The following HEXB variants were observed in gnomAD, a reference collection of about 807,000 sequenced individuals.
HEXB encodes the protein beta-hexosaminidase subunit beta.
HEXB carries 51 observed loss-of-function variants against 71.2 expected under a neutral mutation model. The observed-to-expected ratio is 0.72, with a 90% CI of 0.57 to 0.90. HEXB has a LOEUF of 0.90. HEXB is among the 40% of genes least tolerant of loss of function. HEXB has a pLI of 0.00. For synonymous variants in HEXB, 266 were observed against 249.3 expected (o/e 1.07, Z -0.63); for missense variants, 617 against 677.0 (o/e 0.91, Z 0.98).
chr5:74,665,154 A>T (rs551866753), intron 1 of HEXB, among the ~76,000 whole-genome samples: 1 of 152,326 alleles, frequency 6.6e-6, no homozygotes, highest in African/African-American at 2.4e-5. Context: ...AAATTAATCC[A>T]TCCAGACTCA....
At chr5:74,674,150 T>G (rs1025642481) in intron 1 of HEXB, among the ~76,000 whole-genome samples, 6 of 152,254 alleles carry the variant, frequency 3.9e-5, no homozygotes, top group Non-Finnish European at 8.8e-5. Context: ...TATAGCAATT[T>G]AATTGGCTAT....
intron 11 of HEXB, 82 bp downstream of exon 11, chr5:74,719,053 A>G: frequency 7.1e-7 from 1 of 1,402,712 alleles, no homozygotes; most frequent in Non-Finnish European, 1.0e-6. Context: ...CCTTTGTTTT[A>G]TGAGTTTTCT....
intron 1 of HEXB, among the ~76,000 whole-genome samples, chr5:74,644,370 G>A (rs375422907): frequency 8.2e-4 from 125 of 152,316 alleles, no homozygotes; most frequent in African/African-American, 2.8e-3. Flanking sequence ...TGAGGGAGCT[G>A]CCAGCACACA....
upstream of HEXB, chr5:74,685,180 C>T: frequency 5.8e-6 from 8 of 1,386,728 alleles, no homozygotes; most frequent in Non-Finnish European, 7.5e-6. Flanking sequence ...CGCGGCCGCG[C>T]TTCCTCTGAT....
chr5:74,683,502 C>T (rs138060688), upstream of HEXB, among the ~76,000 whole-genome samples: 230 of 152,240 alleles, frequency 1.5e-3, 2 homozygotes, highest in African/African-American at 5.3e-3. Context: ...TGAGGTTTCA[C>T]CATGTTGGCC....
upstream of HEXB, among the ~76,000 whole-genome samples, chr5:74,680,604 A>C (rs1156990345): frequency 6.6e-6 from 1 of 152,156 alleles, no homozygotes; most frequent in Admixed American, 6.5e-5. Context: ...AATAGAAATA[A>C]TTTGTGGTCA....
At chr5:74,689,118 T>C (rs1748937693) in intron 1 of HEXB, among the ~76,000 whole-genome samples, 1 of 152,194 alleles carries the variant, frequency 6.6e-6, no homozygotes. Context: ...AATCCCATTC[T>C]AATAGATTCT....
At chr5:74,660,754 C>G (rs950105889) in intron 1 of HEXB, among the ~76,000 whole-genome samples, 2 of 152,064 alleles carry the variant, frequency 1.3e-5, no homozygotes, top group African/African-American at 4.8e-5. Flanking sequence ...TTGATTACCA[C>G]TGGAAAAAAA....
intron 13 of HEXB, 43 bp from the exon 14 acceptor site, chr5:74,721,071 TATCA>T (rs1749838536): frequency 2.2e-6 from 3 of 1,382,012 alleles, no homozygotes; most frequent in Non-Finnish European, 2.1e-6. Context: ...TTATGAATGA[TATCA>T]ATCTAAATCA....
At chr5:74,684,800 C>G (rs1348972016), upstream of HEXB, among the ~76,000 whole-genome samples, 1 of 151,786 alleles carries the variant, frequency 6.6e-6, no homozygotes, top group Admixed American at 6.6e-5. Flanking sequence ...GCCTCAGCCT[C>G]CCGAGTAGCT....
rs531799915 is a variant in HEXB at position 74,709,508 on chromosome 5, G to T, written c.772-3998G>T. ...AAAAAATTAATGAATCCAGAAGCTG[G>T]TTTTTTGAAAGGATCAACAAAATTG... is the stretch of plus-strand genomic sequence containing the variant. On this transcript the variant is annotated intron_variant, in intron 6 of 13. Coordinates refer to ENST00000261416, the MANE Select transcript of HEXB (RefSeq NM_000521.4). 4.6e-5 allele frequency among the ~76,000 whole-genome samples: 7 copies of T among 152,264 alleles called. No individual in the cohort carries two copies. In the East Asian group the frequency reaches 1.3e-3, roughly 29 times the overall value.
rs1425954804 is a variant in HEXB at position 74,687,452 on chromosome 5, T to G, written c.300-1876T>G. On this transcript the variant is annotated intron_variant, in intron 1 of 13. Transcript: ENST00000261416. ...TTTGGCTGTTAGATGCATAGCTGCT[T>G]CTTTAGCTTCTAGAACAGCGTTCAT... Among the ~76,000 whole-genome samples the G allele has an allele frequency of 5.3e-5, 8 of 152,352 alleles. No homozygotes were observed. In the South Asian group the frequency reaches 1.2e-3, roughly 24 times the overall value.
intron 6 of HEXB, among the ~76,000 whole-genome samples, chr5:74,711,308 G>A (rs1454691912): frequency 2.8e-5 from 4 of 145,022 alleles, no homozygotes; most frequent in Middle Eastern, 3.5e-3. Context: ...AGACTTAAAC[G>A]TTAGACCTAA....
At chr5:74,656,526 A>G (rs1748222702) in intron 1 of HEXB, among the ~76,000 whole-genome samples, 1 of 82,906 alleles carries the variant, frequency 1.2e-5, no homozygotes. Flanking sequence ...AAAATAAAAT[A>G]AAATAAAATA....
rs1356217520 is a variant in HEXB, at chr5:74,710,034, C to G, written c.772-3472C>G. Among the ~76,000 whole-genome samples, 16 of 152,118 alleles carry G rather than the reference C, an allele frequency of 1.1e-4. No individual in the cohort carries two copies. The East Asian group carries it at 2.1e-3, about 20-fold the overall frequency. Reference sequence around the variant, plus strand: ...CATGATGAACATTGATGCAAAAATCCTCAATAAAATACTGGCAAACCAAAT... The same window carrying G: ...CATGATGAACATTGATGCAAAAATCGTCAATAAAATACTGGCAAACCAAAT... On this transcript the variant is annotated intron_variant, in intron 6 of 13. Transcript: ENST00000261416.
intron 1 of HEXB, among the ~76,000 whole-genome samples, chr5:74,642,279 CAG>C (rs903532623): frequency 1.3e-4 from 20 of 152,174 alleles, no homozygotes; most frequent in Non-Finnish European, 2.9e-4. Flanking sequence ...TTTTTTAATG[CAG>C]AGTCTCGGCT....
At chr5:74,653,414 G>C (rs771310760) in intron 1 of HEXB, among the ~76,000 whole-genome samples, 4 of 152,128 alleles carry the variant, frequency 2.6e-5, no homozygotes, top group Non-Finnish European at 5.9e-5. Flanking sequence ...AAGTAGCAGG[G>C]AATCGCTTTC....
At chr5:74,712,533 G>T (rs555637454) in intron 6 of HEXB, among the ~76,000 whole-genome samples, 2 of 152,108 alleles carry the variant, frequency 1.3e-5, no homozygotes, top group South Asian at 4.2e-4. Context: ...ATTTGCAGTG[G>T]GATACAAATA....
chr5:74,673,164 T>C (rs1481557895), intron 1 of HEXB, among the ~76,000 whole-genome samples: 1 of 152,206 alleles, frequency 6.6e-6, no homozygotes, highest in East Asian at 1.9e-4. Context: ...GAAGAGAAAG[T>C]TGTTTTTGTG....
Sources: allele counts gnomAD v4.1 joint callset (sites outside exome capture counted in the v4.1 genomes callset), GRCh38; gene constraint gnomAD v4.1.1; transcripts MANE v1.5; gene names NCBI Gene and HGNC (gene_info 2026-07-23, HGNC 2026-07-21).